Variants in SCUBE2 observed in about 807,000 individuals in gnomAD.
SCUBE2 encodes the protein signal peptide, CUB and EGF-like domain-containing protein 2.
A neutral mutation model predicts 125.9 loss-of-function variants in SCUBE2; 114 were observed. The observed-to-expected ratio is 0.91, with a 90% CI of 0.78 to 1.06. SCUBE2 has a LOEUF of 1.06. Among genes scored for constraint, SCUBE2 ranks in the 50% least tolerant of loss-of-function variants. The pLI, the probability that SCUBE2 is intolerant of heterozygous loss-of-function variation, is 0.00. For missense variants in SCUBE2, 1,255 were observed against 1,301.8 expected (o/e 0.96, Z 0.55); for synonymous variants, 459 against 492.9 (o/e 0.93, Z 0.91).
chr11:9,083,372 C>T (rs1336039752), intron 2 of SCUBE2, among the ~76,000 whole-genome samples: 1 of 152,124 alleles, frequency 6.6e-6, no homozygotes, highest in Admixed American at 6.6e-5. Flanking sequence ...ATGCTATACT[C>T]TAGTAAATAT....
intron 18 of SCUBE2, chr11:9,030,347 A>C (rs1248117278): frequency 4.3e-6 from 2 of 460,176 alleles, no homozygotes; most frequent in Non-Finnish European, 7.9e-6. Flanking sequence ...CTGTGAGTAT[A>C]GGGGGCAGGC....
intron 16 of SCUBE2, among the ~76,000 whole-genome samples, chr11:9,041,374 G>T (rs1003662071): frequency 1.2e-4 from 18 of 152,180 alleles, no homozygotes; most frequent in Non-Finnish European, 7.3e-5. Context: ...CACTGGGTAA[G>T]GTCACCAAGG....
chr11:9,041,841 G>A (rs1857276535), intron 16 of SCUBE2, among the ~76,000 whole-genome samples: 1 of 152,140 alleles, frequency 6.6e-6, no homozygotes, highest in Non-Finnish European at 1.5e-5. Context: ...ATGGGTTTGT[G>A]TGATGTTGGA....
At position 9,089,797 on chromosome 11, in the gene SCUBE2, A is replaced by T. The variant is rs541163138; in HGVS notation, c.166T>A (p.Cys56Ser). 1 of 1,613,934 alleles carries T rather than the reference A, an allele frequency of 6.2e-7. No individual in the cohort carries two copies. Among genetic ancestry groups the T allele is most frequent in the African/African-American group, 1.3e-5 (1 of 75,004 alleles). The change falls in exon 2 of 23, where the codon TGC becomes AGC. Residue 56 changes from cysteine (C) to serine (S), a missense_variant. This residue lies in a region of SCUBE2 where 362 missense variants were observed against 323.0 expected (regional missense o/e 1.12). Transcript: ENST00000649792. ...TTCTGACACAGGGCGTCGGCATGGC[A>T]GTCATCTAGCCCTTGGGCACACTCA... ...VDECAQGLDD[C>S]HADALCQNTP...
intron 16 of SCUBE2, among the ~76,000 whole-genome samples, chr11:9,038,068 T>G (rs780641775): frequency 4.3e-4 from 65 of 152,130 alleles, no homozygotes; most frequent in Non-Finnish European, 8.2e-4. Flanking sequence ...TAAGTACTTA[T>G]TGAGCACTCA....
intron 3 of SCUBE2, among the ~76,000 whole-genome samples, 162 bp from the exon 4 acceptor site, chr11:9,074,777 C>A (rs1489573145): frequency 6.6e-6 from 1 of 152,244 alleles, no homozygotes; most frequent in Non-Finnish European, 1.5e-5. Flanking sequence ...CAGACAACTA[C>A]CCAGTCCTTA....
At chr11:9,054,870 G>A (rs1296781175) in intron 10 of SCUBE2, among the ~76,000 whole-genome samples, 3 of 150,520 alleles carry the variant, frequency 2.0e-5, no homozygotes, top group African/African-American at 7.4e-5. Flanking sequence ...AAGTAGCTGG[G>A]ATTACAGGCA....
At chr11:9,061,571 G>GAAAAAAAAAAAAAAAAA (rs11301303) in intron 7 of SCUBE2, among the ~76,000 whole-genome samples, 1 of 101,130 alleles carries the variant, frequency 9.9e-6, no homozygotes, top group Non-Finnish European at 2.2e-5. Flanking sequence ...GAAAAGAAAA[G>GAAAAAAAAAAAAAAAAA]AAAAAAAAAA....
At chr11:9,076,141 G>A (rs1590141419) in intron 3 of SCUBE2, among the ~76,000 whole-genome samples, 1 of 152,192 alleles carries the variant, frequency 6.6e-6, no homozygotes, top group East Asian at 1.9e-4. Context: ...GGAGCTTGAT[G>A]AGAGAGCCAA....
chr11:9,032,936 G>A (rs1856439018), intron 17 of SCUBE2, among the ~76,000 whole-genome samples: 2 of 152,136 alleles, frequency 1.3e-5, no homozygotes, highest in African/African-American at 4.8e-5. Flanking sequence ...ATAAAGCTGA[G>A]GCTGGGAGTC....
intron 21 of SCUBE2, among the ~76,000 whole-genome samples, chr11:9,022,344 TG>T (rs2134987679): frequency 6.6e-6 from 1 of 152,354 alleles, no homozygotes; most frequent in Admixed American, 6.5e-5. Context: ...GCAAAAATGC[TG>T]TATGTCTCTG....
At chr11:9,034,822 A>AAAACAAACAAAC (rs34329706) in intron 16 of SCUBE2, among the ~76,000 whole-genome samples, 1 of 151,154 alleles carries the variant, frequency 6.6e-6, no homozygotes, top group African/African-American at 2.4e-5. Context: ...CTCTACTGAA[A>AAAACAAACAAAC]AAACAAACAA....
Position 9,047,942 on chromosome 11 carries a change from C to T in SCUBE2, c.1795+1G>A, listed in dbSNP as rs771417362. ...GCAATGCAGACTGTTTTCAAACCAA[C>T]CTGTCACCTCCTTTTGGTTAGTTTC... On this transcript the variant is annotated splice_donor_variant, in intron 15 of 22. Coordinates refer to ENST00000649792, the MANE Select transcript of SCUBE2 (RefSeq NM_001367977.2). LOFTEE classifies it high-confidence loss of function. 1.6e-5 allele frequency: 26 copies of T among 1,607,172 alleles called. No homozygotes were observed. Among genetic ancestry groups the T allele is most frequent in the Non-Finnish European group, 2.2e-5 (26 of 1,176,368 alleles).
At chr11:9,073,007 T>TG (rs1237022908) in intron 4 of SCUBE2, among the ~76,000 whole-genome samples, 5 of 152,156 alleles carry the variant, frequency 3.3e-5, no homozygotes, top group Admixed American at 2.6e-4. Flanking sequence ...TGTAACTGGG[T>TG]GGGACCCAGA....
chr11:9,025,862 G>A lies in SCUBE2; in HGVS notation c.2702-8C>T, dbSNP rs764768625. 3 of 1,613,122 alleles carry A rather than the reference G, an allele frequency of 1.9e-6. No individual in the cohort carries two copies. The highest frequency in any genetic ancestry group is 1.7e-6 in the Non-Finnish European group (2 of 1,179,454). ...TCACAGAATTGGATGAAGCTGCCAAGGGAAGTTGGAGAAGGGTGGGGTTCA... is the reference window on the plus strand; with the variant it reads ...TCACAGAATTGGATGAAGCTGCCAAAGGAAGTTGGAGAAGGGTGGGGTTCA... On this transcript the variant is annotated splice_polypyrimidine_tract_variant and splice_region_variant and intron_variant, in intron 20 of 22. Transcript: ENST00000649792.
At chr11:9,029,833 G>A in intron 19 of SCUBE2, 51 bp downstream of exon 19, 1 of 1,606,500 alleles carries the variant, frequency 6.2e-7, no homozygotes, top group Non-Finnish European at 8.5e-7. Flanking sequence ...GGTGGACCCA[G>A]ACACCTATCT....
Position 9,052,755 on chromosome 11 carries a change from CAG to C in SCUBE2, c.1523_1524del (p.Ser508CysfsTer15). ...LRNKQQKSND[S>X]AFGDVTTIRT... The stretch of plus-strand genomic sequence containing the variant: ...CAGATTTGGTAATTACCCCCAAAAG[CAG>C]AGTCATTTGATTTTTGTTGTTTGTT... On this transcript the variant is annotated frameshift_variant, in exon 13 of 23. Coordinates refer to ENST00000649792, the MANE Select transcript of SCUBE2 (RefSeq NM_001367977.2). LOFTEE classifies it high-confidence loss of function. The C allele has an allele frequency of 1.3e-6, 2 of 1,536,616 alleles. No individual in the cohort carries two copies. The highest frequency in any genetic ancestry group is 1.7e-6 in the Non-Finnish European group (2 of 1,146,348).
chr11:9,047,886 A>G lies in SCUBE2; in HGVS notation c.1795+57T>C. ...CAAGAATAATAAAAAGTGAAAGGCA[A>G]AGAAATAAGGAGCAAGCCGTGAGAA... is the stretch of plus-strand genomic sequence containing the variant. On this transcript the variant is annotated intron_variant, in intron 15 of 22. Transcript: ENST00000649792. 3 of 1,536,936 alleles carry G rather than the reference A, an allele frequency of 2.0e-6. No individual in the cohort carries two copies. The East Asian group carries it at 6.8e-5, about 35-fold the overall frequency.
At chr11:9,063,874 A>G (rs556393279) in intron 7 of SCUBE2, among the ~76,000 whole-genome samples, 28 of 152,372 alleles carry the variant, frequency 1.8e-4, no homozygotes, top group African/African-American at 6.7e-4. Context: ...ATTGAAAAGT[A>G]TTTTACAGCT....
Sources: allele counts gnomAD v4.1 joint callset (sites outside exome capture counted in the v4.1 genomes callset), GRCh38; gene constraint gnomAD v4.1.1; regional missense constraint gnomAD v4.1.1; transcripts MANE v1.5; gene names NCBI Gene and HGNC (gene_info 2026-07-23, HGNC 2026-07-21).